Variants in CDH13 observed in about 807,000 individuals in gnomAD.
CDH13 encodes the protein cadherin-13.
In CDH13, 24 loss-of-function variants were observed where a neutral mutation model predicts 63.8. The ratio of observed to expected loss-of-function variants is 0.38; its 90% CI spans 0.27 to 0.53. The LOEUF is 0.53. Among genes scored for constraint, CDH13 ranks in the 20% least tolerant of loss-of-function variants. The pLI is 0.85. For synonymous variants in CDH13, 503 were observed against 355.3 expected (o/e 1.42, Z -4.67); for missense variants, 1,049 against 903.1 (o/e 1.16, Z -2.07).
intron 9 of CDH13, 132 bp from the exon 10 acceptor site, chr16:83,678,076 G>T: frequency 1.3e-6 from 1 of 774,984 alleles, no homozygotes; most frequent in East Asian, 2.6e-5. Context: ...CAGTTACACA[G>T]GCTTAGCCTC....
At chr16:82,814,118 A>T (rs957029791) in intron 1 of CDH13, among the ~76,000 whole-genome samples, 8 of 152,060 alleles carry the variant, frequency 5.3e-5, no homozygotes, top group African/African-American at 1.7e-4. Context: ...TTATATTGTG[A>T]TATAATAATA....
intron 7 of CDH13, among the ~76,000 whole-genome samples, chr16:83,528,158 A>G (rs1461670730): frequency 6.6e-6 from 1 of 152,200 alleles, no homozygotes; most frequent in Non-Finnish European, 1.5e-5. Flanking sequence ...AGTGATAACT[A>G]AACATATTCA....
chr16:82,987,661 G>C (rs937156018), intron 2 of CDH13, among the ~76,000 whole-genome samples: 2 of 152,198 alleles, frequency 1.3e-5, no homozygotes, highest in African/African-American at 4.8e-5. Flanking sequence ...ACAGGCATGA[G>C]CCACTGTGCC....
chr16:82,761,545 C>T (rs1386660050), intron 1 of CDH13, among the ~76,000 whole-genome samples: 5 of 152,178 alleles, frequency 3.3e-5, no homozygotes, highest in African/African-American at 1.2e-4. Flanking sequence ...CAGTTGGTTT[C>T]ATCACATGGC....
intron 1 of CDH13, chr16:82,727,726 G>A (rs771078724): frequency 4.6e-5 from 7 of 152,152 alleles, no homozygotes; most frequent in Non-Finnish European, 1.0e-4. Flanking sequence ...ACCAGTAGCT[G>A]GCTTAGTTCT....
intron 2 of CDH13, among the ~76,000 whole-genome samples, chr16:82,906,378 C>T (rs1454041090): frequency 4.6e-5 from 7 of 152,134 alleles, no homozygotes; most frequent in Non-Finnish European, 7.3e-5. Flanking sequence ...CTTTTGTTAC[C>T]ACATCAAAGC....
intron 2 of CDH13, among the ~76,000 whole-genome samples, chr16:82,993,780 T>G (rs928875469): frequency 2.0e-5 from 3 of 152,100 alleles, no homozygotes; most frequent in Non-Finnish European, 4.4e-5. Flanking sequence ...GACATAGCAT[T>G]GGCAGGATCT....
chr16:83,428,841 T>A (rs1219449295), intron 6 of CDH13, among the ~76,000 whole-genome samples: 1 of 152,212 alleles, frequency 6.6e-6, no homozygotes. Context: ...GTTTCAAATC[T>A]CCCCATCTTC....
At chr16:83,021,994 T>A (rs1204070845) in intron 2 of CDH13, among the ~76,000 whole-genome samples, 1 of 152,118 alleles carries the variant, frequency 6.6e-6, no homozygotes, top group Admixed American at 6.6e-5. Context: ...GCTGGTGAAA[T>A]GAGAGTATTC....
intron 5 of CDH13, among the ~76,000 whole-genome samples, chr16:83,292,006 A>T (rs754283780): frequency 6.6e-6 from 1 of 152,172 alleles, no homozygotes; most frequent in Non-Finnish European, 1.5e-5. Flanking sequence ...TAGGAGAGTT[A>T]ATTTGTAATG....
At chr16:82,694,929 G>A (rs1252200962) in intron 1 of CDH13, among the ~76,000 whole-genome samples, 1 of 152,174 alleles carries the variant, frequency 6.6e-6, no homozygotes, top group Non-Finnish European at 1.5e-5. Context: ...GAGTCAAGGA[G>A]GGAAGCCTTC....
At chr16:83,530,619 C>A (rs1390095673) in intron 7 of CDH13, among the ~76,000 whole-genome samples, 1 of 152,220 alleles carries the variant, frequency 6.6e-6, no homozygotes, top group Non-Finnish European at 1.5e-5. Context: ...CCAACCATCA[C>A]AGCAGCTGTT....
intron 7 of CDH13, among the ~76,000 whole-genome samples, chr16:83,528,003 A>C (rs1351538098): frequency 6.6e-6 from 1 of 152,212 alleles, no homozygotes; most frequent in African/African-American, 2.4e-5. Flanking sequence ...CAGGGAGTTT[A>C]TCGGGAAGGC....
At chr16:83,179,527 C>T (rs542313458) in intron 4 of CDH13, among the ~76,000 whole-genome samples, 137 of 144,900 alleles carry the variant, frequency 9.5e-4, no homozygotes, top group Non-Finnish European at 6.7e-4. Flanking sequence ...TGGCGGGCAC[C>T]TGTAGTCCCA....
At chr16:82,628,313 G>A (rs1017742987) in intron 1 of CDH13, among the ~76,000 whole-genome samples, 4 of 152,154 alleles carry the variant, frequency 2.6e-5, no homozygotes, top group Admixed American at 2.0e-4. Context: ...GTGCCTCAGG[G>A]TGCTAGGAAT....
At chr16:83,422,879 T>C (rs2071758660) in intron 6 of CDH13, among the ~76,000 whole-genome samples, 1 of 152,108 alleles carries the variant, frequency 6.6e-6, no homozygotes, top group Non-Finnish European at 1.5e-5. Flanking sequence ...GTAGGAACAA[T>C]GGTTATGATG....
intron 1 of CDH13, chr16:82,705,386 T>G: frequency 3.6e-6 from 1 of 280,360 alleles, no homozygotes. Context: ...CAGTGTCTCA[T>G]TAGCCAAGCC....
chr16:83,138,826 G>T (rs979630542), intron 4 of CDH13, among the ~76,000 whole-genome samples: 19 of 152,096 alleles, frequency 1.2e-4, no homozygotes, highest in Admixed American at 3.3e-4. Flanking sequence ...GGTGACGAAG[G>T]GCTCCCGGGC....
chr16:82,711,643 C>T (rs892311538), intron 1 of CDH13, among the ~76,000 whole-genome samples: 22 of 152,310 alleles, frequency 1.4e-4, no homozygotes, highest in East Asian at 7.7e-4. Context: ...TGGGCTCCCC[C>T]ACCTTGTCCA....
Sources: allele counts gnomAD v4.1 joint callset (sites outside exome capture counted in the v4.1 genomes callset), GRCh38; gene constraint gnomAD v4.1.1; transcripts MANE v1.5; gene names NCBI Gene and HGNC (gene_info 2026-07-23, HGNC 2026-07-21).